SNX29: variants seen among roughly 807,000 people sequenced by gnomAD.
SNX29 encodes the protein sorting nexin 29.
Under a neutral mutation model 102.1 loss-of-function variants are expected in SNX29, and 78 were observed. The observed-to-expected ratio is 0.76, with a 90% CI of 0.64 to 0.92. The LOEUF (loss-of-function observed/expected upper bound fraction) is 0.92. SNX29 is among the 40% of genes least tolerant of loss of function. The pLI is 0.00. For synonymous variants in SNX29, 580 were observed against 414.5 expected, an observed-to-expected ratio of 1.40 and a Z score of -4.85; for missense variants, 1,280 against 1,061.7, an observed-to-expected ratio of 1.21 and a Z score of -2.86.
intron 15 of SNX29, among the ~76,000 whole-genome samples, chr16:12,350,026 TTCC>T (rs1328861582): frequency 1.3e-5 from 2 of 152,246 alleles, no homozygotes; most frequent in African/African-American, 4.8e-5. Context: ...TCCAGTTTCT[TTCC>T]TCCTCTGATG....
chr16:12,385,992 C>G (rs948789286), intron 16 of SNX29, among the ~76,000 whole-genome samples: 32 of 152,222 alleles, frequency 2.1e-4, no homozygotes, highest in African/African-American at 7.7e-4. Flanking sequence ...GAACCCAGCT[C>G]AATATGCATG....
At chr16:12,477,006 C>T (rs755019428) in intron 18 of SNX29, among the ~76,000 whole-genome samples, 19 of 152,134 alleles carry the variant, frequency 1.2e-4, no homozygotes, top group Non-Finnish European at 1.8e-4. Context: ...GTCTCTCCTG[C>T]TTCTCTGTTT....
chr16:12,266,662 A>G (rs2078937020), intron 14 of SNX29, among the ~76,000 whole-genome samples: 2 of 143,586 alleles, frequency 1.4e-5, no homozygotes, highest in Non-Finnish European at 3.0e-5. Context: ...ACTACTGATC[A>G]TCTGCAATTC....
In SNX29 at chr16:12,570,720, G is replaced by T; in HGVS notation, c.*2091G>T. 4.3e-6 allele frequency: 1 copy of T among 232,146 alleles called. No homozygotes were observed. The highest frequency in any genetic ancestry group is 6.1e-5 in the East Asian group (1 of 16,400). The allele number at this position is 232,146 out of a possible 1,614,324, so 14.4% of individuals were successfully genotyped here. ...GCCCCCAAAGCACAGGATGTGAATT[G>T]GTCTCTCTCCAGATACCCCACGAGG... is the stretch of plus-strand genomic sequence containing the variant. On this transcript the variant is annotated 3_prime_UTR_variant, in exon 21 of 21. Transcript: ENST00000566228.
chr16:12,561,548 C>T (rs1287153851), intron 20 of SNX29, among the ~76,000 whole-genome samples: 1 of 152,086 alleles, frequency 6.6e-6, no homozygotes, highest in Non-Finnish European at 1.5e-5. Context: ...CAGCCATTTT[C>T]ACTGATGAGC....
At chr16:12,066,219 A>G (rs375341227) in intron 9 of SNX29, among the ~76,000 whole-genome samples, 5 of 152,318 alleles carry the variant, frequency 3.3e-5, no homozygotes, top group African/African-American at 1.2e-4. Flanking sequence ...GAGTTAGATT[A>G]GCAAGGATGA....
chr16:12,009,919 C>A (rs564518726), intron 3 of SNX29, among the ~76,000 whole-genome samples: 2 of 152,182 alleles, frequency 1.3e-5, no homozygotes, highest in African/African-American at 4.8e-5. Flanking sequence ...AATCAGAGGA[C>A]GTGATCTGGA....
At chr16:12,082,359 C>G (rs2051944498) in intron 11 of SNX29, among the ~76,000 whole-genome samples, 1 of 152,162 alleles carries the variant, frequency 6.6e-6, no homozygotes, top group Non-Finnish European at 1.5e-5. Context: ...GTCCCAGCAT[C>G]TCAGATAAAC....
intron 20 of SNX29, among the ~76,000 whole-genome samples, chr16:12,552,027 G>A (rs772322364): frequency 6.6e-6 from 1 of 152,184 alleles, no homozygotes; most frequent in Non-Finnish European, 1.5e-5. Flanking sequence ...AACGTGGCAA[G>A]TCCAGGCTCA....
chr16:12,252,681 G>C (rs547043853), intron 14 of SNX29, among the ~76,000 whole-genome samples: 7 of 152,296 alleles, frequency 4.6e-5, no homozygotes, highest in Non-Finnish European at 4.4e-5. Flanking sequence ...CCTCCTTCTG[G>C]TCCTGGCAGC....
chr16:12,346,392 C>T (rs1188341203), intron 15 of SNX29, among the ~76,000 whole-genome samples: 5 of 152,156 alleles, frequency 3.3e-5, no homozygotes, highest in African/African-American at 1.2e-4. Flanking sequence ...TTAAACCTCA[C>T]AAAAGCCCTT....
intron 19 of SNX29, among the ~76,000 whole-genome samples, chr16:12,496,768 T>G (rs1444061771): frequency 6.6e-6 from 1 of 152,092 alleles, no homozygotes; most frequent in Non-Finnish European, 1.5e-5. Flanking sequence ...GCCTCGGCCT[T>G]CTGATGGCTT....
chr16:12,494,257 C>G (rs554445545), intron 19 of SNX29, among the ~76,000 whole-genome samples: 1 of 152,316 alleles, frequency 6.6e-6, no homozygotes, highest in South Asian at 2.1e-4. Context: ...ACCCCACCAT[C>G]TCTGCGTCCT....
intron 19 of SNX29, among the ~76,000 whole-genome samples, chr16:12,511,788 T>C (rs567550500): frequency 6.6e-6 from 1 of 152,188 alleles, no homozygotes; most frequent in South Asian, 2.1e-4. Flanking sequence ...CCCGCAACTT[T>C]AGAGTAAGAT....
chr16:12,485,893 A>C lies in SNX29; in HGVS notation c.2178+8034A>C, dbSNP rs530068350. ...TTGAGGGGCCACAGGGCTCCCAGCC[A>C]GAAATCTAGGAGAGGGAGTAGGTGG... On this transcript the variant is annotated intron_variant, in intron 19 of 20. Coordinates refer to ENST00000566228, the MANE Select transcript of SNX29 (RefSeq NM_032167.5). 3.3e-5 allele frequency among the ~76,000 whole-genome samples: 5 copies of C among 152,338 alleles called. No homozygotes were observed. In the South Asian group the frequency reaches 8.3e-4, roughly 25 times the overall value.
chr16:12,078,936 C>G (rs775415432), intron 11 of SNX29, 21 bp downstream of exon 11: 1 of 1,574,040 alleles, frequency 6.4e-7, no homozygotes, highest in Non-Finnish European at 8.6e-7. Context: ...TCGCAGCCCC[C>G]TCCACCAGCT....
chr16:12,543,176 A>G (rs1228999078), intron 20 of SNX29, among the ~76,000 whole-genome samples: 10 of 152,240 alleles, frequency 6.6e-5, no homozygotes, highest in African/African-American at 4.8e-5. Context: ...CAGCTCCTGT[A>G]GAAGTCCTAG....
intron 13 of SNX29, among the ~76,000 whole-genome samples, chr16:12,152,713 C>A (rs1343566889): frequency 6.6e-6 from 1 of 152,190 alleles, no homozygotes; most frequent in African/African-American, 2.4e-5. Context: ...CACCACAGGT[C>A]CCTGGAACAG....
chr16:12,558,457 C>T (rs1474707581), intron 20 of SNX29, among the ~76,000 whole-genome samples: 3 of 152,194 alleles, frequency 2.0e-5, no homozygotes, highest in Non-Finnish European at 4.4e-5. Context: ...TCTGTATGAA[C>T]TTAATGCCAT....
Sources: gnomAD v4.1 joint callset for allele counts (sites outside exome capture counted in the v4.1 genomes callset) on GRCh38, gnomAD v4.1.1 for gene constraint, MANE v1.5 for transcripts, NCBI Gene and HGNC (gene_info 2026-07-23, HGNC 2026-07-21) for gene names.